The following CCDC85A variants were observed in gnomAD, a reference collection of about 807,000 sequenced individuals.
The protein encoded by CCDC85A is coiled-coil domain containing 85A, also known as coiled-coil domain-containing protein 85A.
In CCDC85A, 38 loss-of-function variants were observed where a neutral mutation model predicts 50.2. The observed-to-expected ratio is 0.76, with a 90% confidence interval of 0.58 to 0.99. CCDC85A has a LOEUF of 0.99. Ranked by LOEUF, CCDC85A falls within the 50% of genes least tolerant of loss-of-function variation. The pLI is 0.00. For missense variants in CCDC85A, 820 were observed against 742.0 expected (o/e 1.11, Z -1.22); for synonymous variants, 366 against 301.4 (o/e 1.21, Z -2.22).
intron 2 of CCDC85A, among the ~76,000 whole-genome samples, chr2:56,245,171 C>T (rs1175546893): frequency 1.3e-5 from 2 of 152,224 alleles, no homozygotes; most frequent in African/African-American, 4.8e-5. Flanking sequence ...GTGGTTTAGA[C>T]AGCCTTTCAA....
chr2:56,328,404 G>C lies in CCDC85A; in HGVS notation c.1241-14475G>C, dbSNP rs551376018. Reference sequence around the variant, plus strand: ...AAGGGGATAAAGTGAACTGGGGAAGGGTTTCTGCTTTGTAGCTCTGCCTCT... The same window carrying C: ...AAGGGGATAAAGTGAACTGGGGAAGCGTTTCTGCTTTGTAGCTCTGCCTCT... On this transcript the variant is annotated intron_variant, in intron 2 of 5. Transcript: ENST00000407595. Among the ~76,000 whole-genome samples, 27 of 152,184 alleles carry C rather than the reference G, an allele frequency of 1.8e-4. 1 individual carries two copies. In the South Asian group the frequency reaches 5.6e-3, roughly 32 times the overall value.
At chr2:56,205,333 C>A (rs1676917489) in intron 2 of CCDC85A, among the ~76,000 whole-genome samples, 1 of 152,146 alleles carries the variant, frequency 6.6e-6, no homozygotes, top group Admixed American at 6.5e-5. Flanking sequence ...ACATTTTCTC[C>A]TTTCTTTGGC....
rs976311325 is a variant in CCDC85A, at chr2:56,200,209, G to A, written c.1240+6769G>A. On this transcript the variant is annotated intron_variant, in intron 2 of 5. Coordinates refer to ENST00000407595, the MANE Select transcript of CCDC85A (RefSeq NM_001080433.2). ...TGAGTCTTGACTACAGATAAGTGAG[G>A]CACTATGTTTCTATAATATTATCAA... Among the ~76,000 whole-genome samples the A allele has an allele frequency of 4.6e-5, 7 of 152,284 alleles. No homozygotes were observed. In the South Asian group the frequency reaches 1.5e-3, roughly 32 times the overall value.
intron 3 of CCDC85A, among the ~76,000 whole-genome samples, chr2:56,367,412 G>T (rs1284206825): frequency 6.6e-6 from 1 of 152,102 alleles, no homozygotes; most frequent in Non-Finnish European, 1.5e-5. Context: ...AATCCTGTGG[G>T]CAACATGTCC....
At chr2:56,196,086 A>G (rs1416679794) in intron 2 of CCDC85A, among the ~76,000 whole-genome samples, 3 of 152,204 alleles carry the variant, frequency 2.0e-5, no homozygotes, top group South Asian at 2.1e-4. Flanking sequence ...CTCATTCAAG[A>G]GTTTCTTTTG....
intron 2 of CCDC85A, among the ~76,000 whole-genome samples, chr2:56,228,066 G>C (rs569126377): frequency 6.6e-6 from 1 of 152,302 alleles, no homozygotes; most frequent in African/African-American, 2.4e-5. Flanking sequence ...GAGTAGAGCT[G>C]AAGACTAACA....
intron 3 of CCDC85A, among the ~76,000 whole-genome samples, chr2:56,349,980 G>A (rs1283447917): frequency 1.3e-5 from 2 of 151,214 alleles, no homozygotes; most frequent in Non-Finnish European, 2.9e-5. Flanking sequence ...AGATACTTAT[G>A]AGAAGCAATA....
At chr2:56,214,519 A>G (rs1677313142) in intron 2 of CCDC85A, among the ~76,000 whole-genome samples, 1 of 151,876 alleles carries the variant, frequency 6.6e-6, no homozygotes, top group South Asian at 2.1e-4. Context: ...TATCTCATTA[A>G]TTTCTTGAGT....
intron 3 of CCDC85A, among the ~76,000 whole-genome samples, chr2:56,369,851 A>G (rs1209192664): frequency 6.6e-6 from 1 of 152,028 alleles, no homozygotes; most frequent in Non-Finnish European, 1.5e-5. Context: ...AAAACCCTAC[A>G]CTATTACCTC....
intron 2 of CCDC85A, among the ~76,000 whole-genome samples, chr2:56,207,353 A>G (rs1052451871): frequency 6.6e-6 from 1 of 152,150 alleles, no homozygotes; most frequent in South Asian, 2.1e-4. Flanking sequence ...CAACTGGAGC[A>G]TACTCTACAT....
intron 5 of CCDC85A, among the ~76,000 whole-genome samples, chr2:56,379,068 T>A (rs1422040592): frequency 6.6e-6 from 1 of 152,216 alleles, no homozygotes; most frequent in Non-Finnish European, 1.5e-5. Context: ...TTTAGAGAAG[T>A]GGAAACATAG....
intron 2 of CCDC85A, among the ~76,000 whole-genome samples, chr2:56,341,355 C>T (rs190844091): frequency 2.0e-5 from 3 of 152,224 alleles, no homozygotes; most frequent in Admixed American, 2.0e-4. Flanking sequence ...AGACAGTTAA[C>T]AACCACCTGA....
At chr2:56,336,650 T>G (rs1674088558) in intron 2 of CCDC85A, among the ~76,000 whole-genome samples, 1 of 152,196 alleles carries the variant, frequency 6.6e-6, no homozygotes, top group Non-Finnish European at 1.5e-5. Context: ...AATTTGTGGG[T>G]GATTTCAAGG....
At chr2:56,314,496 A>G (rs182280536) in intron 2 of CCDC85A, among the ~76,000 whole-genome samples, 51 of 152,196 alleles carry the variant, frequency 3.4e-4, no homozygotes, top group Admixed American at 2.3e-3. Context: ...TAGTTTTGGA[A>G]GTGCTGCATA....
In CCDC85A at chr2:56,193,431, G is replaced by A; in HGVS notation, c.1231G>A (p.Gly411Ser). ...GSPHHRNVYS[G>S]MNESTLSYVR... ...ACCCCATCACCGGAATGTCTACAGT[G>A]GCATGAACGGTGGGTCAGTATGTGC... The change falls in exon 2 of 6, where the codon GGC becomes AGC. Residue 411 changes from glycine (G) to serine (S), a missense_variant. Coordinates refer to ENST00000407595, the MANE Select transcript of CCDC85A (RefSeq NM_001080433.2). 1 of 1,603,282 alleles carries A rather than the reference G, an allele frequency of 6.2e-7. No individual in the cohort carries two copies. Among genetic ancestry groups the A allele is most frequent in the Non-Finnish European group, 8.5e-7 (1 of 1,175,056 alleles).
At position 56,192,771 on chromosome 2, in the gene CCDC85A, GC is replaced by G; in HGVS notation, c.573del (p.Ser192AlafsTer119). 1 of 1,612,614 alleles carries G rather than the reference GC, an allele frequency of 6.2e-7. No individual in the cohort carries two copies. The highest frequency in any genetic ancestry group is 2.2e-5 in the East Asian group (1 of 44,852). On this transcript the variant is annotated frameshift_variant, in exon 2 of 6. Transcript: ENST00000407595. LOFTEE classifies it high-confidence loss of function. This position sits in a 1 kb window ranked among gnomAD's most constrained non-coding sequence, Gnocchi z 4.7. Reference protein sequence around the residue: ...AGSRCSIDSQASLCQLTASTA... With the variant: ...AGSRCSIDSQXSLCQLTASTA... The stretch of plus-strand genomic sequence containing the variant: ...CAGCCGCTGCTCCATCGACAGCCAG[GC>G]CAGCCTGTGCCAACTCACAGCCTCC...
intron 2 of CCDC85A, among the ~76,000 whole-genome samples, chr2:56,325,854 G>A (rs935582313): frequency 5.3e-5 from 8 of 152,094 alleles, no homozygotes; most frequent in African/African-American, 1.9e-4. Flanking sequence ...CTTGGTTGTT[G>A]ACTGAAACTG....
At chr2:56,271,801 A>T (rs1428289245) in intron 2 of CCDC85A, among the ~76,000 whole-genome samples, 2 of 152,156 alleles carry the variant, frequency 1.3e-5, no homozygotes, top group African/African-American at 4.8e-5. Context: ...TGCTTAGAGT[A>T]AGCTCAGAGG....
At position 56,209,679 on chromosome 2, in the gene CCDC85A, T is replaced by C. The variant is rs531423182; in HGVS notation, c.1240+16239T>C. Among the ~76,000 whole-genome samples the C allele has an allele frequency of 2.0e-5, 3 of 152,216 alleles. No homozygotes were observed. In the East Asian group the frequency reaches 5.8e-4, roughly 29 times the overall value. ...AGTTTAAGACTGAAGGGGACCTAAG[T>C]TAGGTTGCGATTTTGACTTTGTGGA... On this transcript the variant is annotated intron_variant, in intron 2 of 5. Transcript: ENST00000407595.
Sources: gnomAD v4.1 joint callset for allele counts (sites outside exome capture counted in the v4.1 genomes callset) on GRCh38, gnomAD v4.1.1 for gene constraint, Gnocchi (gnomAD v3.1) non-coding constraint, MANE v1.5 for transcripts, NCBI Gene and HGNC (gene_info 2026-07-23, HGNC 2026-07-21) for gene names.